The following CNOT2 variants were observed in gnomAD, a reference collection of about 807,000 sequenced individuals.
CNOT2 encodes CC chemokine receptor 4-negative regulator of transcription 2.
CNOT2 carries 7 observed loss-of-function variants against 72.1 expected under a neutral mutation model. The ratio of observed to expected loss-of-function variants is 0.10; its 90% confidence interval spans 0.06 to 0.18. The LOEUF is 0.18. Among genes scored for constraint, CNOT2 ranks in the 10% least tolerant of loss-of-function variants. CNOT2 has a pLI of 1.00. For missense variants in CNOT2, 345 were observed against 660.3 expected (o/e 0.52, Z 5.23); for synonymous variants, 196 against 225.6 (o/e 0.87, Z 1.17).
At chr12:70,270,993 A>G (rs1959202216) in intron 1 of CNOT2, among the ~76,000 whole-genome samples, 1 of 152,228 alleles carries the variant, frequency 6.6e-6, no homozygotes, top group Non-Finnish European at 1.5e-5. Flanking sequence ...TTTTGGTTCA[A>G]TTGACTAAAC....
intron 4 of CNOT2, among the ~76,000 whole-genome samples, chr12:70,328,498 T>G (rs958118697): frequency 1.3e-5 from 2 of 151,870 alleles, no homozygotes; most frequent in African/African-American, 4.8e-5. Context: ...CGTAGACAGA[T>G]ATAACAGTGT....
chr12:70,345,745 A>T (rs991275445), intron 14 of CNOT2: 8 of 152,526 alleles, frequency 5.2e-5, no homozygotes, highest in African/African-American at 1.9e-4. Flanking sequence ...TTACATAATT[A>T]ATTCAAATAT....
At chr12:70,279,470 G>GT (rs1390303402) in intron 2 of CNOT2, among the ~76,000 whole-genome samples, 11 of 152,282 alleles carry the variant, frequency 7.2e-5, no homozygotes, top group Middle Eastern at 3.4e-3. Context: ...TGCTGAATCA[G>GT]TTTTCTCTGT....
chr12:70,276,185 A>T (rs1868763524), intron 1 of CNOT2, among the ~76,000 whole-genome samples: 1 of 152,124 alleles, frequency 6.6e-6, no homozygotes, highest in South Asian at 2.1e-4. Flanking sequence ...TTAAATATTA[A>T]TACGTATTGT....
chr12:70,314,496 G>T (rs1475384515), intron 3 of CNOT2, among the ~76,000 whole-genome samples: 1 of 152,002 alleles, frequency 6.6e-6, no homozygotes. Flanking sequence ...AATGAATATT[G>T]AAAACCTTTA....
At chr12:70,339,926 G>A (rs1335833276) in intron 11 of CNOT2, among the ~76,000 whole-genome samples, 1 of 152,080 alleles carries the variant, frequency 6.6e-6, no homozygotes, top group African/African-American at 2.4e-5. Flanking sequence ...TGACCCATGC[G>A]TTCTACTTAC....
At chr12:70,283,967 G>A (rs1307845918) in intron 2 of CNOT2, among the ~76,000 whole-genome samples, 14 of 117,762 alleles carry the variant, frequency 1.2e-4, no homozygotes, top group Admixed American at 3.6e-4. Context: ...ATGGAGTTTC[G>A]CTCTTGTTGC....
intron 1 of CNOT2, among the ~76,000 whole-genome samples, chr12:70,245,428 T>C (rs1198157380): frequency 2.0e-5 from 3 of 152,182 alleles, no homozygotes; most frequent in Non-Finnish European, 4.4e-5. Context: ...GCTGAAGTTT[T>C]TTTTGCATCT....
chr12:70,342,437 T>C, intron 13 of CNOT2, 130 bp downstream of exon 13: 1 of 1,033,846 alleles, frequency 9.7e-7, no homozygotes. Flanking sequence ...CATATGTCCA[T>C]GTTAACTTGT....
chr12:70,306,405 C>T (rs1565793980), intron 2 of CNOT2, among the ~76,000 whole-genome samples: 1 of 152,144 alleles, frequency 6.6e-6, no homozygotes, highest in Non-Finnish European at 1.5e-5. Flanking sequence ...GATCTGCCTG[C>T]CTTGGCCTCC....
chr12:70,327,887 A>T (rs1385077715), intron 4 of CNOT2, among the ~76,000 whole-genome samples: 1 of 151,830 alleles, frequency 6.6e-6, no homozygotes, highest in African/African-American at 2.4e-5. Flanking sequence ...TGCTTTAGGG[A>T]GGGAAAAGAC....
In CNOT2 at chr12:70,310,912, T is replaced by C; in HGVS notation, c.66T>C (p.Phe22=). The C allele has an allele frequency of 1.2e-6, 2 of 1,611,858 alleles. No individual in the cohort carries two copies. The highest frequency in any genetic ancestry group is 1.7e-6 in the Non-Finnish European group (2 of 1,178,480). Residue 22 remains phenylalanine (F), a synonymous_variant, in exon 3 of 16, where the codon TTT becomes TTC. Coordinates refer to ENST00000229195, the MANE Select transcript of CNOT2 (RefSeq NM_014515.7). ...TTGTTTAGGTGACAAACAGCATGTT[T>C]GGTGCTTCAAGAAAGAAGTTTGTAG... is the stretch of plus-strand genomic sequence containing the variant. ...KRNYQVTNSM[F]GASRKKFVEG...
intron 11 of CNOT2, chr12:70,341,873 G>T (rs1423036437): frequency 1.8e-6 from 1 of 540,648 alleles, no homozygotes; most frequent in African/African-American, 1.9e-5. Flanking sequence ...GTGATATGTT[G>T]TGTTATTTAT....
At chr12:70,283,138 C>T (rs1405136876) in intron 2 of CNOT2, among the ~76,000 whole-genome samples, 1 of 152,000 alleles carries the variant, frequency 6.6e-6, no homozygotes, top group Middle Eastern at 3.2e-3. Context: ...TGTTAAGTGG[C>T]ACATTATTGA....
intron 2 of CNOT2, chr12:70,278,588 A>T (rs1490032164): frequency 3.6e-6 from 1 of 278,906 alleles, no homozygotes; most frequent in African/African-American, 2.2e-5. Flanking sequence ...AAAAGTGTTG[A>T]TTGCTTTTAC....
At chr12:70,297,525 C>T (rs11178177) in intron 2 of CNOT2, among the ~76,000 whole-genome samples, 42,998 of 151,978 alleles carry the variant, frequency 0.28, 6,370 homozygotes, top group Admixed American at 0.44. Context: ...TCTAGATGTG[C>T]CCTACATATG....
chr12:70,247,247 C>T (rs1011396527), intron 1 of CNOT2, among the ~76,000 whole-genome samples: 2 of 151,976 alleles, frequency 1.3e-5, no homozygotes, highest in Non-Finnish European at 2.9e-5. Context: ...TCGCTACCAC[C>T]TCCGCCTCCC....
chr12:70,306,309 C>G (rs991098537), intron 2 of CNOT2, among the ~76,000 whole-genome samples: 1 of 152,102 alleles, frequency 6.6e-6, no homozygotes, highest in Non-Finnish European at 1.5e-5. Flanking sequence ...GTGCATGCCA[C>G]CATGCCTGGC....
chr12:70,308,112 C>G (rs1473207100), intron 2 of CNOT2, among the ~76,000 whole-genome samples: 2 of 152,128 alleles, frequency 1.3e-5, no homozygotes, highest in African/African-American at 4.8e-5. Flanking sequence ...TTTACTGACC[C>G]TCTGAACTGA....
Sources: gnomAD v4.1 joint callset for allele counts (sites outside exome capture counted in the v4.1 genomes callset) on GRCh38, gnomAD v4.1.1 for gene constraint, MANE v1.5 for transcripts, NCBI Gene and HGNC (gene_info 2026-07-23, HGNC 2026-07-21) for gene names.